Variants in HMCN1 observed in about 807,000 individuals in gnomAD.
HMCN1 encodes the protein hemicentin 1, also known as hemicentin-1.
A neutral mutation model predicts 625.9 loss-of-function variants in HMCN1; 321 were observed. The observed-to-expected ratio is 0.51, with a 90% CI of 0.47 to 0.56. HMCN1 has a LOEUF of 0.56. Among genes scored for constraint, HMCN1 ranks in the 20% least tolerant of loss-of-function variants. HMCN1 has a pLI of 0.00. For synonymous variants in HMCN1, 2,425 were observed against 2,417.6 expected, an observed-to-expected ratio of 1.00 and a Z score of -0.09; for missense variants, 6,588 against 6,887.3, an observed-to-expected ratio of 0.96 and a Z score of 1.54.
chr1:185,773,027 G>T (rs915498658), intron 1 of HMCN1, among the ~76,000 whole-genome samples: 2 of 152,128 alleles, frequency 1.3e-5, no homozygotes, highest in African/African-American at 4.8e-5. Context: ...TTGCATTGGG[G>T]ATTGTTTCCA....
intron 1 of HMCN1, among the ~76,000 whole-genome samples, chr1:185,798,126 G>A (rs555338323): frequency 2.1e-4 from 32 of 151,844 alleles, no homozygotes; most frequent in African/African-American, 6.0e-4. Context: ...GCATTTACTC[G>A]TCTGGGAAAG....
At chr1:185,969,528 G>A (rs748970085) in intron 14 of HMCN1, among the ~76,000 whole-genome samples, 21 of 152,182 alleles carry the variant, frequency 1.4e-4, no homozygotes, top group Non-Finnish European at 2.1e-4. Flanking sequence ...AGCTAAGACA[G>A]TTACTTCCAT....
chr1:185,950,959 T>G (rs1342529847), intron 11 of HMCN1, among the ~76,000 whole-genome samples: 1 of 150,496 alleles, frequency 6.6e-6, no homozygotes. Context: ...TAAGGAGAGT[T>G]TATAGGCTTT....
intron 36 of HMCN1, among the ~76,000 whole-genome samples, chr1:186,030,842 G>A (rs10911799): frequency 0.56 from 84,191 of 151,248 alleles, 23,648 homozygotes; most frequent in African/African-American, 0.63. Flanking sequence ...TCTATTTTTA[G>A]TAGTTTTCCT....
At chr1:185,928,907 A>G (rs543621245) in intron 10 of HMCN1, among the ~76,000 whole-genome samples, 1 of 152,288 alleles carries the variant, frequency 6.6e-6, no homozygotes, top group East Asian at 1.9e-4. Context: ...AGAAAGCATA[A>G]TAACAAGAAC....
intron 2 of HMCN1, among the ~76,000 whole-genome samples, chr1:185,849,733 T>C (rs748832472): frequency 3.9e-4 from 59 of 152,198 alleles, no homozygotes; most frequent in Non-Finnish European, 7.2e-4. Context: ...GTAAATTATA[T>C]ACTAAATTGA....
At chr1:185,955,464 T>C (rs935542432) in intron 11 of HMCN1, among the ~76,000 whole-genome samples, 1 of 152,254 alleles carries the variant, frequency 6.6e-6, no homozygotes, top group Non-Finnish European at 1.5e-5. Flanking sequence ...CTTTTCTTTA[T>C]GCATGTTTCC....
chr1:185,945,813 A>C (rs936561216), intron 11 of HMCN1, among the ~76,000 whole-genome samples: 1 of 152,200 alleles, frequency 6.6e-6, no homozygotes, highest in Non-Finnish European at 1.5e-5. Flanking sequence ...GAACAGTGAG[A>C]TCCAAACCCA....
chr1:185,959,992 T>C (rs1649894321), intron 11 of HMCN1, among the ~76,000 whole-genome samples: 1 of 152,190 alleles, frequency 6.6e-6, no homozygotes, highest in Non-Finnish European at 1.5e-5. Context: ...AAATCTACTA[T>C]ATCATTATTT....
At chr1:186,141,773 A>T (rs376489314) in intron 89 of HMCN1, among the ~76,000 whole-genome samples, 1 of 152,186 alleles carries the variant, frequency 6.6e-6, no homozygotes, top group East Asian at 1.9e-4. Flanking sequence ...TATTATTTGC[A>T]TATTGCAGAT....
At chr1:185,976,649 A>G (rs552915425) in intron 15 of HMCN1, among the ~76,000 whole-genome samples, 1 of 152,252 alleles carries the variant, frequency 6.6e-6, no homozygotes, top group African/African-American at 2.4e-5. Flanking sequence ...ACTCCATGTG[A>G]CACTTAGCAA....
chr1:185,948,817 G>C (rs1156629058), intron 11 of HMCN1, among the ~76,000 whole-genome samples: 2 of 151,672 alleles, frequency 1.3e-5, no homozygotes, highest in African/African-American at 4.9e-5. Context: ...GTGGTATGGA[G>C]AGAGAATGGG....
Position 185,815,563 on chromosome 1 carries a change from T to C in HMCN1, c.269-30463T>C, listed in dbSNP as rs1321485073. 1.3e-5 allele frequency among the ~76,000 whole-genome samples: 2 copies of C among 150,092 alleles called. 1 individual carries two copies. The highest frequency in any genetic ancestry group is 5.1e-5 in the African/African-American group (2 of 39,462). Reference sequence around the variant, plus strand: ...AATTTTTAATTATCCACTTCTATTATGTACATTATTTGCTGTGGGGATAAT... The same window carrying C: ...AATTTTTAATTATCCACTTCTATTACGTACATTATTTGCTGTGGGGATAAT... On this transcript the variant is annotated intron_variant, in intron 1 of 106. Transcript: ENST00000271588.
At chr1:186,127,101 G>A (rs1661686400) in intron 82 of HMCN1, among the ~76,000 whole-genome samples, 1 of 152,088 alleles carries the variant, frequency 6.6e-6, no homozygotes. Context: ...AAATGTTTGA[G>A]ACTGAAGGCA....
At chr1:185,951,287 G>A (rs867278257) in intron 11 of HMCN1, among the ~76,000 whole-genome samples, 5,377 of 129,822 alleles carry the variant, frequency 0.041, 11 homozygotes, top group African/African-American at 0.12. Flanking sequence ...GAACTGGGCA[G>A]GTGGGGATAA....
At position 185,929,103 on chromosome 1, in the gene HMCN1, A is replaced by T. The variant is rs1019682540; in HGVS notation, c.1552+436A>T. ...ATAGCATTTTCCCGTGAGAAAATAAAGTTTAAGTGAAGGATCTATTCTAAT... is the reference window on the plus strand; with the variant it reads ...ATAGCATTTTCCCGTGAGAAAATAATGTTTAAGTGAAGGATCTATTCTAAT... On this transcript the variant is annotated intron_variant, in intron 10 of 106. Coordinates refer to ENST00000271588, the MANE Select transcript of HMCN1 (RefSeq NM_031935.3). Among the ~76,000 whole-genome samples, 7 of 152,280 alleles carry T rather than the reference A, an allele frequency of 4.6e-5. No homozygotes were observed. The South Asian group carries it at 1.4e-3, about 32-fold the overall frequency.
intron 36 of HMCN1, among the ~76,000 whole-genome samples, chr1:186,035,508 T>A (rs1162425231): frequency 6.6e-6 from 1 of 152,138 alleles, no homozygotes; most frequent in East Asian, 1.9e-4. Context: ...GTTGAGTGCT[T>A]AGGACTTTTC....
At chr1:185,818,908 T>C (rs1260751757) in intron 1 of HMCN1, among the ~76,000 whole-genome samples, 4 of 151,982 alleles carry the variant, frequency 2.6e-5, no homozygotes, top group Non-Finnish European at 5.9e-5. Flanking sequence ...TAAGCAATTT[T>C]ACCTTTTTTT....
chr1:185,989,764 A>C, intron 21 of HMCN1, 117 bp downstream of exon 21: 1 of 815,482 alleles, frequency 1.2e-6, no homozygotes. Context: ...CTGCTCCCCC[A>C]GATTTCTATT....
Sources: gnomAD v4.1 joint callset for allele counts (sites outside exome capture counted in the v4.1 genomes callset) on GRCh38, gnomAD v4.1.1 for gene constraint, MANE v1.5 for transcripts, NCBI Gene and HGNC (gene_info 2026-07-23, HGNC 2026-07-21) for gene names.